The following MAP2K5 variants were observed in gnomAD, a reference collection of about 807,000 sequenced individuals.
The protein encoded by MAP2K5 is dual specificity mitogen-activated protein kinase kinase 5.
A neutral mutation model predicts 83.1 loss-of-function variants in MAP2K5; 49 were observed. That is an observed-to-expected ratio of 0.59 (90% confidence interval 0.47 to 0.75). The LOEUF (loss-of-function observed/expected upper bound fraction) is 0.75. Ranked by LOEUF, MAP2K5 falls within the 30% of genes least tolerant of loss-of-function variation. MAP2K5 has a pLI of 0.00. For missense variants in MAP2K5, 457 were observed against 557.5 expected (o/e 0.82, Z 1.82); for synonymous variants, 202 against 191.8 (o/e 1.05, Z -0.44).
chr15:67,796,754 T>C (rs565006965), intron 21 of MAP2K5, among the ~76,000 whole-genome samples: 1 of 152,352 alleles, frequency 6.6e-6, no homozygotes, highest in South Asian at 2.1e-4. Context: ...GCTTCAATTA[T>C]ATATAATAAA....
chr15:67,566,796 A>T (rs867244007), intron 3 of MAP2K5, among the ~76,000 whole-genome samples: 1 of 152,230 alleles, frequency 6.6e-6, no homozygotes, highest in Admixed American at 6.5e-5. Flanking sequence ...AGACCTGAAA[A>T]TGTTGCCTTT....
Position 67,563,832 on chromosome 15 carries a change from A to G in MAP2K5, c.252+482A>G, listed in dbSNP as rs899716421. Among the ~76,000 whole-genome samples, 6 of 152,204 alleles carry G rather than the reference A, an allele frequency of 3.9e-5. No individual in the cohort carries two copies. The highest frequency in any genetic ancestry group is 6.5e-5 in the Admixed American group (1 of 15,284). On this transcript the variant is annotated intron_variant, in intron 3 of 21. Transcript: ENST00000178640. The surrounding 1 kb of genome is among the most constrained non-coding windows in gnomAD (Gnocchi z 4.5). Reference sequence around the variant, plus strand: ...CCCATAATACTCCCACCGAAAATGAACTACAGGGCTACTTACTGAATCAAA... The same window carrying G: ...CCCATAATACTCCCACCGAAAATGAGCTACAGGGCTACTTACTGAATCAAA...
At chr15:67,692,619 C>A in intron 14 of MAP2K5, 67 bp downstream of exon 14, 1 of 1,265,594 alleles carries the variant, frequency 7.9e-7, no homozygotes, top group Non-Finnish European at 1.1e-6. Context: ...TCATTCTGTT[C>A]TCTGGATTGA....
intron 12 of MAP2K5, among the ~76,000 whole-genome samples, chr15:67,662,088 G>T (rs1254856586): frequency 6.6e-6 from 1 of 152,114 alleles, no homozygotes; most frequent in Non-Finnish European, 1.5e-5. Context: ...CTATAAAAAT[G>T]TATGCTGTTC....
chr15:67,718,211 C>A (rs771814162), intron 16 of MAP2K5: 1 of 152,124 alleles, frequency 6.6e-6, no homozygotes, highest in Non-Finnish European at 1.5e-5. Flanking sequence ...ATAGACTAGA[C>A]CCCAGCCCTG....
chr15:67,736,044 T>A lies in MAP2K5; in HGVS notation c.1074+8099T>A, dbSNP rs1241926337. On this transcript the variant is annotated intron_variant, in intron 17 of 21. Transcript: ENST00000178640. The surrounding 1 kb of genome is among the most constrained non-coding windows in gnomAD (Gnocchi z 4.3). ...TTCCGGTACTTTAACAGTACTACCA[T>A]TGTTACTTTCATTTCCCTAACAGCT... is the stretch of plus-strand genomic sequence containing the variant. 6.6e-6 allele frequency among the ~76,000 whole-genome samples: 1 copy of A among 152,226 alleles called. No individual in the cohort carries two copies.
intron 1 of MAP2K5, among the ~76,000 whole-genome samples, chr15:67,544,624 T>C (rs899866701): frequency 5.3e-5 from 8 of 152,210 alleles, no homozygotes; most frequent in African/African-American, 1.9e-4. Context: ...CAGGGTGCCT[T>C]GTGCCCATTC....
rs1268752826 is a variant in MAP2K5 at position 67,688,142 on chromosome 15, A to G, written c.848-4337A>G. Among the ~76,000 whole-genome samples, 3 of 152,250 alleles carry G rather than the reference A, an allele frequency of 2.0e-5. No homozygotes were observed. The East Asian group carries it at 5.8e-4, about 29-fold the overall frequency. On this transcript the variant is annotated intron_variant, in intron 13 of 21. Coordinates refer to ENST00000178640, the MANE Select transcript of MAP2K5 (RefSeq NM_145160.3). ...GGAAGCATAGTAGTATTCCAGGGAC[A>G]CAGAGCCACAGCGCAAGAGCATACC... is the stretch of plus-strand genomic sequence containing the variant.
At chr15:67,674,281 C>T (rs576630374) in intron 13 of MAP2K5, among the ~76,000 whole-genome samples, 51 of 152,090 alleles carry the variant, frequency 3.4e-4, no homozygotes, top group Non-Finnish European at 6.6e-4. Context: ...CTTCCCTGAG[C>T]TCTCAGGCTG....
rs566868918 is a variant in MAP2K5 at position 67,683,635 on chromosome 15, G to A, written c.848-8844G>A. 3.7e-4 allele frequency among the ~76,000 whole-genome samples: 57 copies of A among 152,132 alleles called. 1 individual carries two copies. In the South Asian group the frequency reaches 7.5e-3, roughly 20 times the overall value. The stretch of plus-strand genomic sequence containing the variant: ...AAATTAACTGGGCTTGTTGGTGGGC[G>A]CCTGTAATCCTAGCTACTCAGGAGG... On this transcript the variant is annotated intron_variant, in intron 13 of 21. Coordinates refer to ENST00000178640, the MANE Select transcript of MAP2K5 (RefSeq NM_145160.3).
rs564732464 is a variant in MAP2K5, at chr15:67,746,395, G to A, written c.1075-1836G>A. Among the ~76,000 whole-genome samples the A allele has an allele frequency of 2.6e-4, 39 of 151,596 alleles. No individual in the cohort carries two copies. The highest frequency in any genetic ancestry group is 9.0e-4 in the African/African-American group (37 of 41,316). On this transcript the variant is annotated intron_variant, in intron 17 of 21. Coordinates refer to ENST00000178640, the MANE Select transcript of MAP2K5 (RefSeq NM_145160.3). This position sits in a 1 kb window ranked among gnomAD's most constrained non-coding sequence, Gnocchi z 4.1. ...TTCTTTATTCATTACAAATAACTCC[G>A]TTGTTGAAGCAGATATATCTTACTA...
chr15:67,649,327 T>C (rs1038557677), intron 11 of MAP2K5, among the ~76,000 whole-genome samples: 5 of 152,150 alleles, frequency 3.3e-5, no homozygotes, highest in East Asian at 3.8e-4. Flanking sequence ...TTTTCACTTA[T>C]TGTTTATCTT....
At position 67,690,973 on chromosome 15, in the gene MAP2K5, C is replaced by T. The variant is rs545883601; in HGVS notation, c.848-1506C>T. 1.7e-3 allele frequency among the ~76,000 whole-genome samples: 253 copies of T among 152,212 alleles called. 1 individual carries two copies. The highest frequency in any genetic ancestry group is 4.1e-3 in the Admixed American group (63 of 15,286). On this transcript the variant is annotated intron_variant, in intron 13 of 21. Coordinates refer to ENST00000178640, the MANE Select transcript of MAP2K5 (RefSeq NM_145160.3). The surrounding 1 kb of genome is among the most constrained non-coding windows in gnomAD (Gnocchi z 4.3). ...TATTTATTTCTTGGGGCGATGATAC[C>T]GATAAAAAGAGCTTACACCTGCCTG...
chr15:67,619,333 A>G (rs1040462126), intron 8 of MAP2K5, among the ~76,000 whole-genome samples: 14 of 152,008 alleles, frequency 9.2e-5, no homozygotes, highest in African/African-American at 3.1e-4. Flanking sequence ...TTGTATATTT[A>G]TTTGATTATT....
rs1313975576 is a variant in MAP2K5, at chr15:67,748,159, C to T, written c.1075-72C>T. 3 of 1,076,748 alleles carry T rather than the reference C, an allele frequency of 2.8e-6. No individual in the cohort carries two copies. Among genetic ancestry groups the T allele is most frequent in the Admixed American group, 1.9e-5 (1 of 52,300 alleles). 66.7% of individuals were successfully genotyped at this position (1,076,748 alleles called of 1,614,324 possible). ...GCCACCAGCAATGCAATAATTTTCT[C>T]TCAGTGATCATAATGTGTCCAAGTG... On this transcript the variant is annotated intron_variant, in intron 17 of 21. Transcript: ENST00000178640. The surrounding 1 kb of genome is among the most constrained non-coding windows in gnomAD (Gnocchi z 4.0).
chr15:67,704,254 T>C (rs991984623), intron 16 of MAP2K5, among the ~76,000 whole-genome samples: 11 of 152,224 alleles, frequency 7.2e-5, no homozygotes, highest in African/African-American at 1.9e-4. Context: ...GACTTGTATT[T>C]TCTTTATTTT....
In MAP2K5 at chr15:67,559,418, C is replaced by G. The variant is rs1266836337; in HGVS notation, c.185-3865C>G. 6.6e-6 allele frequency among the ~76,000 whole-genome samples: 1 copy of G among 152,054 alleles called. No individual in the cohort carries two copies. Among genetic ancestry groups the G allele is most frequent in the Non-Finnish European group, 1.5e-5 (1 of 68,018 alleles). On this transcript the variant is annotated intron_variant, in intron 2 of 21. Coordinates refer to ENST00000178640, the MANE Select transcript of MAP2K5 (RefSeq NM_145160.3). This position sits in a 1 kb window ranked among gnomAD's most constrained non-coding sequence, Gnocchi z 4.7. The stretch of plus-strand genomic sequence containing the variant: ...CCGCCCCTTACCTGAGGCTGCTTCT[C>G]CTCTCTATTGGGCCTTTATGTTTCT...
intron 3 of MAP2K5, among the ~76,000 whole-genome samples, chr15:67,566,765 ATTTAAATAGAT>A (rs1211438437): frequency 1.3e-5 from 2 of 152,228 alleles, no homozygotes; most frequent in African/African-American, 2.4e-5. Flanking sequence ...TTTATTAGTA[ATTTAAATAGAT>A]TTTTGTATTA....
rs1596953264 is a variant in MAP2K5 at position 67,774,980 on chromosome 15, T to C, written c.1242+2228T>C. The stretch of plus-strand genomic sequence containing the variant: ...TAGATTCACTATTTGGGAACTCTTA[T>C]ATGAACTCCAGGTGTGACCTTGACC... On this transcript the variant is annotated intron_variant, in intron 21 of 21. Coordinates refer to ENST00000178640, the MANE Select transcript of MAP2K5 (RefSeq NM_145160.3). This position sits in a 1 kb window ranked among gnomAD's most constrained non-coding sequence, Gnocchi z 4.9. Among the ~76,000 whole-genome samples the C allele has an allele frequency of 2.0e-5, 3 of 152,226 alleles. No homozygotes were observed.
Sources: gnomAD v4.1 joint callset for allele counts (sites outside exome capture counted in the v4.1 genomes callset) on GRCh38, gnomAD v4.1.1 for gene constraint, Gnocchi (gnomAD v3.1) non-coding constraint, MANE v1.5 for transcripts, NCBI Gene and HGNC (gene_info 2026-07-23, HGNC 2026-07-21) for gene names.